MGST2: variants seen among roughly 807,000 people sequenced by gnomAD.
MGST2 encodes microsomal glutathione S-transferase 2.
Under a neutral mutation model 16.6 loss-of-function variants are expected in MGST2, and 9 were observed. The observed-to-expected ratio is 0.54, with a 90% CI of 0.33 to 0.95. The LOEUF (loss-of-function observed/expected upper bound fraction) is 0.95. Among genes scored for constraint, MGST2 ranks in the 40% least tolerant of loss-of-function variants. The probability of loss-of-function intolerance (pLI) is 0.03; values close to 1 mark genes in which losing one functional copy is unlikely to be tolerated. For synonymous variants in MGST2, 79 were observed against 68.0 expected, an observed-to-expected ratio of 1.16 and a Z score of -0.79; for missense variants, 159 against 175.1, an observed-to-expected ratio of 0.91 and a Z score of 0.52.
intron 2 of MGST2, among the ~76,000 whole-genome samples, chr4:139,684,677 C>A (rs1234189814): frequency 2.0e-5 from 3 of 152,132 alleles, no homozygotes; most frequent in African/African-American, 4.8e-5. Flanking sequence ...ACTCTTTAAA[C>A]CTCCTTCAGG....
intron 1 of MGST2, among the ~76,000 whole-genome samples, chr4:139,671,653 T>G (rs1469786022): frequency 6.6e-6 from 1 of 151,914 alleles, no homozygotes; most frequent in African/African-American, 2.4e-5. Flanking sequence ...GTTCTTTTTG[T>G]TTTTTTGAGA....
At chr4:139,747,297 C>T in the MGST2 span, among the ~76,000 whole-genome samples, 682 of 152,252 alleles carry the variant, frequency 4.5e-3, 4 homozygotes, top group Non-Finnish European at 7.2e-3. Context: ...GTGCAGAGCG[C>T]GGGCAACTTT....
intron 2 of MGST2, among the ~76,000 whole-genome samples, chr4:139,689,993 TAA>T (rs997659220): frequency 6.6e-6 from 1 of 152,084 alleles, no homozygotes; most frequent in African/African-American, 2.4e-5. Context: ...ATCCTTTAAT[TAA>T]AAAAAATTTT....
intron 1 of MGST2, among the ~76,000 whole-genome samples, chr4:139,666,303 G>A (rs1366325393): frequency 6.6e-6 from 1 of 152,038 alleles, no homozygotes. Context: ...ACATTCCAGA[G>A]ATTAGTTCTC....
At chr4:139,687,664 A>G (rs1731637430) in intron 2 of MGST2, 1 of 152,200 alleles carries the variant, frequency 6.6e-6, no homozygotes, top group Admixed American at 6.5e-5. Flanking sequence ...CTTTAGGTGG[A>G]CCTGGACATC....
chr4:139,749,943 G>T, the MGST2 span, among the ~76,000 whole-genome samples: 17 of 140,290 alleles, frequency 1.2e-4, no homozygotes, highest in African/African-American at 2.7e-4. Context: ...ATCAACTTAA[G>T]AATAAGAAAA....
chr4:139,675,128 G>A (rs138186132), intron 1 of MGST2, among the ~76,000 whole-genome samples: 2 of 152,266 alleles, frequency 1.3e-5, no homozygotes, highest in East Asian at 3.9e-4. Context: ...GGAACCGAAC[G>A]TCTTGTAACT....
chr4:139,737,634 A>G (rs1034108607), intron 5 of MGST2, among the ~76,000 whole-genome samples: 4 of 152,236 alleles, frequency 2.6e-5, no homozygotes, highest in African/African-American at 9.6e-5. Flanking sequence ...AAGAAAGGGC[A>G]TAAGATTAGA....
chr4:139,711,884 TA>T (rs1727757508), intron 5 of MGST2, among the ~76,000 whole-genome samples: 1 of 152,146 alleles, frequency 6.6e-6, no homozygotes, highest in African/African-American at 2.4e-5. Flanking sequence ...TCAGGCTGAA[TA>T]GGGGCGATGA....
At position 139,678,612 on chromosome 4, in the gene MGST2, C is replaced by T; in HGVS notation, c.128C>T (p.Ser43Leu). The T allele has an allele frequency of 6.2e-7, 1 of 1,613,972 alleles. No homozygotes were observed. The highest frequency in any genetic ancestry group is 8.5e-7 in the Non-Finnish European group (1 of 1,179,872). ...YKVTPPAVTG[S>L]PEFERVFRAQ... ...GTTACGCCCCCAGCAGTCACTGGGTCACCAGAGTTTGAGAGAGTATTTCGG... is the reference window on the plus strand; with the variant it reads ...GTTACGCCCCCAGCAGTCACTGGGTTACCAGAGTTTGAGAGAGTATTTCGG... The change falls in exon 2 of 5, where the codon TCA becomes TTA. Residue 43 changes from serine (S) to leucine (L), a missense_variant. Ser to Leu is a moderately radical substitution (Grantham distance 145, BLOSUM62 -2). Transcript: ENST00000265498.
chr4:139,718,703 A>C (rs75721843), intron 5 of MGST2: 10,334 of 152,514 alleles, frequency 0.068, 611 homozygotes, highest in Admixed American at 0.18. Flanking sequence ...GGCAGGAGAC[A>C]GACAGTCCTG....
At chr4:139,719,256 C>T in intron 5 of MGST2, 1 of 1,499,700 alleles carries the variant, frequency 6.7e-7, no homozygotes, top group South Asian at 1.4e-5. Context: ...GATGGGTCAA[C>T]ATCCTGTTTC....
At chr4:139,729,813 G>T (rs1728628346) in intron 5 of MGST2, among the ~76,000 whole-genome samples, 1 of 152,184 alleles carries the variant, frequency 6.6e-6, no homozygotes, top group Non-Finnish European at 1.5e-5. Context: ...ATTTGTGTTA[G>T]GCTTTCCTTT....
chr4:139,665,990 G>A lies in MGST2; in HGVS notation c.-30G>A, dbSNP rs746673006. 1.2e-6 allele frequency: 2 copies of A among 1,612,252 alleles called. No homozygotes were observed. The highest frequency in any genetic ancestry group is 2.7e-5 in the African/African-American group (2 of 74,840). On this transcript the variant is annotated 5_prime_UTR_variant, in exon 1 of 5. In the 5' UTR this introduces an upstream ATG that the reference lacks. Transcript: ENST00000265498. ...GTCAAGAAGCGCCATTTATCTTCCC[G>A]TGCGCTCTACAAATAGTTCCGTGAG...
the MGST2 span, among the ~76,000 whole-genome samples, chr4:139,753,041 T>C: frequency 1.3e-5 from 2 of 152,230 alleles, no homozygotes; most frequent in African/African-American, 4.8e-5. Flanking sequence ...AAAAGACTTA[T>C]GACCGTCTTG....
Position 139,730,430 on chromosome 4 carries a change from T to TCTGCTG in MGST2, c.*49-9759_*49-9754dup, listed in dbSNP as rs3051167. On this transcript the variant is annotated intron_variant, in intron 5 of 5. Transcript: ENST00000616265. ...GGGCATGTTACCTGTTCCGCCAAAATCTGCTGCTGCTGCTGCTGCTGCTGC... is the reference window on the plus strand; with the variant it reads ...GGGCATGTTACCTGTTCCGCCAAAATCTGCTGCTGCTGCTGCTGCTGCTGCTGCTGC... The TCTGCTG allele has an allele frequency of 4.8e-5, 70 of 1,456,192 alleles. No homozygotes were observed. The East Asian group carries it at 1.3e-3, about 28-fold the overall frequency. 90.2% of individuals were successfully genotyped at this position (1,456,192 alleles called of 1,614,324 possible).
chr4:139,725,343 C>A (rs1447945108), intron 5 of MGST2, among the ~76,000 whole-genome samples: 1 of 152,170 alleles, frequency 6.6e-6, no homozygotes, highest in Non-Finnish European at 1.5e-5. Context: ...AGATGTGGCA[C>A]AAGATTTTTG....
Position 139,665,903 on chromosome 4 carries a change from AG to A in MGST2, c.-116del. On this transcript the variant is annotated 5_prime_UTR_variant, in exon 1 of 5. Transcript: ENST00000265498. The stretch of plus-strand genomic sequence containing the variant: ...CAAAGGTCATTCAGCCGCTTGAATC[AG>A]CCTTTTCCCCCCACCCGGTCCCCAA... The A allele has an allele frequency of 1.0e-6, 1 of 997,154 alleles. No individual in the cohort carries two copies. Among genetic ancestry groups the A allele is most frequent in the Non-Finnish European group, 1.6e-6 (1 of 635,986 alleles). 61.8% of individuals were successfully genotyped at this position (997,154 alleles called of 1,614,324 possible).
In MGST2 at chr4:139,677,768, G is replaced by A. The variant is rs146266860; in HGVS notation, c.59-775G>A. On this transcript the variant is annotated intron_variant, in intron 1 of 4. Transcript: ENST00000265498. ...TCCACCCGTCTCAGCCTCCCAAAGT[G>A]CTGGGATTACAGGCGTGAGCCACCG... is the stretch of plus-strand genomic sequence containing the variant. Among the ~76,000 whole-genome samples, 19 of 152,278 alleles carry A rather than the reference G, an allele frequency of 1.2e-4. No individual in the cohort carries two copies. The East Asian group carries it at 3.1e-3, about 25-fold the overall frequency.
Sources: allele counts gnomAD v4.1 joint callset (sites outside exome capture counted in the v4.1 genomes callset), GRCh38; gene constraint gnomAD v4.1.1; transcripts MANE v1.5; gene names NCBI Gene and HGNC (gene_info 2026-07-23, HGNC 2026-07-21).